The following MEIOC variants were observed in gnomAD, a reference collection of about 807,000 sequenced individuals.
MEIOC encodes the protein meiosis-specific coiled-coil domain-containing protein MEIOC.
Under a neutral mutation model 85.3 loss-of-function variants are expected in MEIOC, and 9 were observed. The ratio of observed to expected loss-of-function variants is 0.11; its 90% CI spans 0.06 to 0.18. The LOEUF is 0.18. Among genes scored for constraint, MEIOC ranks in the 10% least tolerant of loss-of-function variants. MEIOC has a pLI of 1.00. For missense variants in MEIOC, 898 were observed against 1,129.4 expected (o/e 0.80, Z 2.94); for synonymous variants, 365 against 393.7 (o/e 0.93, Z 0.86).
At chr17:44,659,720 A>C (rs1971818900) in intron 2 of MEIOC, among the ~76,000 whole-genome samples, 1 of 152,234 alleles carries the variant, frequency 6.6e-6, no homozygotes, top group Non-Finnish European at 1.5e-5. Flanking sequence ...TGTTTAAGCA[A>C]CTATTTCAAA....
chr17:44,659,271 G>A (rs1442984036), intron 2 of MEIOC, among the ~76,000 whole-genome samples: 1 of 152,166 alleles, frequency 6.6e-6, no homozygotes, highest in Non-Finnish European at 1.5e-5. Context: ...GCCTCAGAGA[G>A]CTTGATTTGT....
Position 44,657,254 on chromosome 17 carries a change from C to T in MEIOC, c.197C>T (p.Thr66Ile). The change falls in exon 2 of 8, where the codon ACA becomes ATA. Residue 66 changes from threonine (T) to isoleucine (I), a missense_variant. Thr to Ile is a moderately conservative substitution (Grantham distance 89). Transcript: ENST00000409122. ...TGSASFYDCY[T>I]SQSEDNVDLR... Reference sequence around the variant, plus strand: ...TCCGCTTCCTTCTACGATTGCTACACATCGCAGGTCCTTTAGTAAACTCTG... The same window carrying T: ...TCCGCTTCCTTCTACGATTGCTACATATCGCAGGTCCTTTAGTAAACTCTG... 1 of 1,551,320 alleles carries T rather than the reference C, an allele frequency of 6.4e-7. No homozygotes were observed. The highest frequency in any genetic ancestry group is 8.7e-7 in the Non-Finnish European group (1 of 1,146,374).
In MEIOC at chr17:44,675,113, C is replaced by G; in HGVS notation, c.*917C>G. The stretch of plus-strand genomic sequence containing the variant: ...GTTAATCTCTAACTAGTTTAGCTTG[C>G]AATTGGTTAGTGTATATTTTGTGTA... On this transcript the variant is annotated 3_prime_UTR_variant, in exon 8 of 8. Transcript: ENST00000409122. 1 of 984,786 alleles carries G rather than the reference C, an allele frequency of 1.0e-6. No homozygotes were observed. The highest frequency in any genetic ancestry group is 1.2e-6 in the Non-Finnish European group (1 of 829,440). The allele number at this position is 984,786 out of a possible 1,614,324, so 61.0% of individuals were successfully genotyped here. A position where few individuals can be genotyped will look rare whatever the true frequency, so the allele number is the denominator to read the frequency against.
Position 44,668,008 on chromosome 17 carries a change from A to C in MEIOC, c.2097A>C (p.Ser699=). 6.2e-7 allele frequency: 1 copy of C among 1,613,708 alleles called. No individual in the cohort carries two copies. The highest frequency in any genetic ancestry group is 8.5e-7 in the Non-Finnish European group (1 of 1,179,724). ...GATCCACCCACCCATTTGGCCATTC[A>C]GTTGTTCCACTGTTGGATTCCTATG... ...PLRSTHPFGH[S]VVPLLDSYDL... Residue 699 remains serine, a synonymous_variant, in exon 5 of 8, where the codon TCA becomes TCC. Transcript: ENST00000409122.
At chr17:44,670,272 A>G (rs1280647797) in intron 6 of MEIOC, 1 of 150,288 alleles carries the variant, frequency 6.7e-6, no homozygotes, top group Non-Finnish European at 1.5e-5. Context: ...CAAAAAAAAA[A>G]AAAAAAGAAA....
In MEIOC at chr17:44,673,420, A is replaced by G; in HGVS notation, c.2512A>G (p.Ser838Gly). 3.9e-6 allele frequency: 6 copies of G among 1,550,438 alleles called. No individual in the cohort carries two copies. Among genetic ancestry groups the G allele is most frequent in the Non-Finnish European group, 5.2e-6 (6 of 1,146,672 alleles). The change falls in exon 7 of 8, where the codon AGT becomes GGT. Residue 838 changes from serine (S) to glycine (G), a missense_variant. Ser to Gly is a moderately conservative substitution (Grantham distance 56). This residue lies in a region of MEIOC where 164 missense variants were observed against 269.2 expected (regional missense o/e 0.61). Coordinates refer to ENST00000409122, the MANE Select transcript of MEIOC (RefSeq NM_001145080.3). ...ERLRSSLLHA[S>G]ISTALDRHLE... ...TCTTCGGAGTTCTCTTCTTCATGCC[A>G]GTATCTCTACTGCTCTTGATAGACA...
intron 2 of MEIOC, 55 bp downstream of exon 2, chr17:44,657,316 C>G (rs1036190133): frequency 1.6e-5 from 24 of 1,506,024 alleles, no homozygotes; most frequent in African/African-American, 2.8e-5. Flanking sequence ...TGGATTTACT[C>G]GAGCCACCGA....
At chr17:44,657,020 T>G in intron 1 of MEIOC, 107 bp from the exon 2 acceptor site, 1 of 1,315,884 alleles carries the variant, frequency 7.6e-7, no homozygotes, top group Non-Finnish European at 1.0e-6. Flanking sequence ...TCTGAGAGGG[T>G]TCGGAATTGA....
Position 44,667,757 on chromosome 17 carries a change from CATT to C in MEIOC, c.1849_1851del (p.Tyr617del). On this transcript the variant is annotated inframe_deletion, in exon 5 of 8. Coordinates refer to ENST00000409122, the MANE Select transcript of MEIOC (RefSeq NM_001145080.3). ...TTTTCAAGCCAAGCCCCAGAGTGGA[CATT>C]ATGATCCTGAGGAAGGTCCAAAGCA... 1.2e-6 allele frequency: 2 copies of C among 1,613,806 alleles called. No individual in the cohort carries two copies. Among genetic ancestry groups the C allele is most frequent in the Non-Finnish European group, 1.7e-6 (2 of 1,179,816 alleles).
chr17:44,673,995 T>C lies in MEIOC; in HGVS notation c.2658T>C (p.Ser886=). 6.4e-7 allele frequency: 1 copy of C among 1,551,494 alleles called. No individual in the cohort carries two copies. Among genetic ancestry groups the C allele is most frequent in the South Asian group, 1.2e-5 (1 of 84,044 alleles). Residue 886 remains serine, a synonymous_variant, in exon 8 of 8, where the codon TCT becomes TCC. Transcript: ENST00000409122. ...TTACAGATGTTTTTGCCCTTGCTTCTGCAATTAAAGAGATGTGTGTGGCTA... is the reference window on the plus strand; with the variant it reads ...TTACAGATGTTTTTGCCCTTGCTTCCGCAATTAAAGAGATGTGTGTGGCTA... ...QDDRDVFALA[S]AIKEMCVATR...
In MEIOC at chr17:44,674,894, A is replaced by C. The variant is rs1166886679; in HGVS notation, c.*698A>C. ...TCAGATCATTTGTGTATATTCTTTAAATTTTAATTATATTATCAATTGTTA... is the reference window on the plus strand; with the variant it reads ...TCAGATCATTTGTGTATATTCTTTACATTTTAATTATATTATCAATTGTTA... On this transcript the variant is annotated 3_prime_UTR_variant, in exon 8 of 8. Transcript: ENST00000409122. 1.0e-6 allele frequency: 1 copy of C among 969,082 alleles called. No individual in the cohort carries two copies. Among genetic ancestry groups the C allele is most frequent in the East Asian group, 1.1e-4 (1 of 8,738 alleles). 60.0% of individuals were successfully genotyped at this position (969,082 alleles called of 1,614,324 possible).
intron 4 of MEIOC, 145 bp from the exon 5 acceptor site, chr17:44,666,229 GGT>G: frequency 1.6e-6 from 1 of 634,400 alleles, no homozygotes; most frequent in Non-Finnish European, 2.7e-6. Context: ...TGGAGCTAAT[GGT>G]AGCTTATAAA....
chr17:44,659,482 G>A (rs1297703711), intron 2 of MEIOC, among the ~76,000 whole-genome samples: 6 of 152,182 alleles, frequency 3.9e-5, no homozygotes, highest in Non-Finnish European at 7.3e-5. Context: ...CTCTGTTAAC[G>A]AAAGGGATGC....
intron 6 of MEIOC, 108 bp downstream of exon 6, chr17:44,669,625 C>T (rs964071805): frequency 8.9e-6 from 10 of 1,119,680 alleles, no homozygotes; most frequent in South Asian, 2.9e-5. Flanking sequence ...TTTGGGAGGC[C>T]GAGGCGGGCA....
intron 2 of MEIOC, among the ~76,000 whole-genome samples, chr17:44,659,460 A>G (rs1336128482): frequency 2.0e-5 from 3 of 152,234 alleles, no homozygotes; most frequent in Admixed American, 2.0e-4. Flanking sequence ...AAATATTTGC[A>G]TATTTCCTGG....
rs915100573 is a variant in MEIOC at position 44,674,202 on chromosome 17, T to A, written c.*6T>A. On this transcript the variant is annotated 3_prime_UTR_variant, in exon 8 of 8. Transcript: ENST00000409122. ...GTGAAACAAACAAACATTAAGGAAA[T>A]GCCAGCAGAAAGAAGAATAAAAAGC... 3.2e-6 allele frequency: 5 copies of A among 1,540,564 alleles called. No homozygotes were observed. In the Admixed American group the frequency reaches 1.0e-4, roughly 31 times the overall value.
At chr17:44,662,663 T>G (rs997999508) in intron 3 of MEIOC, among the ~76,000 whole-genome samples, 192 bp downstream of exon 3, 1 of 152,212 alleles carries the variant, frequency 6.6e-6, no homozygotes, top group African/African-American at 2.4e-5. Context: ...CTTTGTTTTG[T>G]TTTGTTGAGA....
chr17:44,658,656 G>A, intron 2 of MEIOC, among the ~76,000 whole-genome samples: 1 of 151,462 alleles, frequency 6.6e-6, no homozygotes, highest in East Asian at 2.0e-4. Context: ...TCAGCCGGGT[G>A]TGGGGGCAGG....
chr17:44,662,000 T>G (rs189922772), intron 2 of MEIOC, among the ~76,000 whole-genome samples: 1 of 152,218 alleles, frequency 6.6e-6, no homozygotes, highest in African/African-American at 2.4e-5. Context: ...ATACCTGTTT[T>G]GTAAATAAAG....
Sources: gnomAD v4.1 joint callset for allele counts (sites outside exome capture counted in the v4.1 genomes callset) on GRCh38, gnomAD v4.1.1 for gene constraint, gnomAD v4.1.1 regional missense constraint, MANE v1.5 for transcripts, NCBI Gene and HGNC (gene_info 2026-07-23, HGNC 2026-07-21) for gene names.